The following CFAP61 variants were observed in gnomAD, a reference collection of about 807,000 sequenced individuals.
The protein encoded by CFAP61 is cilia and flagella associated protein 61, also known as cilia- and flagella-associated protein 61.
A neutral mutation model predicts 135.6 loss-of-function variants in CFAP61; 107 were observed. The ratio of observed to expected loss-of-function variants is 0.79; its 90% confidence interval spans 0.67 to 0.93. The LOEUF is 0.93. CFAP61 is among the 40% of genes least tolerant of loss of function. CFAP61 has a pLI of 0.00. For missense variants in CFAP61, 1,507 were observed against 1,556.2 expected, an observed-to-expected ratio of 0.97 and a Z score of 0.53; for synonymous variants, 575 against 578.5, an observed-to-expected ratio of 0.99 and a Z score of 0.09.
chr20:20,241,602 G>T (rs1037734578), intron 18 of CFAP61, among the ~76,000 whole-genome samples: 1 of 152,132 alleles, frequency 6.6e-6, no homozygotes. Context: ...TAATTCAAAT[G>T]ATTCAAAACC....
In CFAP61 at chr20:20,337,740, A is replaced by G. The variant is rs111615185; in HGVS notation, c.3423-4091A>G. ...CTTAGCAGACGTCCCACCATGGAAG[A>G]GGTCATGGAGCACAGGGGCTTTGGG... On this transcript the variant is annotated intron_variant, in intron 25 of 26. Coordinates refer to ENST00000245957, the MANE Select transcript of CFAP61 (RefSeq NM_015585.4). 1.7e-3 allele frequency among the ~76,000 whole-genome samples: 253 copies of G among 152,218 alleles called. 2 individuals are homozygous for G. The highest frequency in any genetic ancestry group is 5.9e-3 in the African/African-American group (245 of 41,510).
At chr20:20,136,371 A>G (rs781347568) in intron 8 of CFAP61, among the ~76,000 whole-genome samples, 1 of 151,828 alleles carries the variant, frequency 6.6e-6, no homozygotes, top group Non-Finnish European at 1.5e-5. Flanking sequence ...TAACTCTTAG[A>G]TTTTTCCCTT....
chr20:20,304,598 C>G (rs1484585629), intron 25 of CFAP61, among the ~76,000 whole-genome samples: 1 of 151,674 alleles, frequency 6.6e-6, no homozygotes, highest in Non-Finnish European at 1.5e-5. Flanking sequence ...CTCACACACA[C>G]CTGCACCCGC....
At chr20:20,078,708 AG>A (rs2046226651) in intron 6 of CFAP61, among the ~76,000 whole-genome samples, 1 of 152,194 alleles carries the variant, frequency 6.6e-6, no homozygotes, top group South Asian at 2.1e-4. Context: ...AATGAAAACT[AG>A]AAGAGAGGGA....
At chr20:20,341,990 T>C (rs2058459741) in intron 26 of CFAP61, 69 bp downstream of exon 26, 2 of 1,104,710 alleles carry the variant, frequency 1.8e-6, no homozygotes, top group Admixed American at 4.2e-5. Context: ...TGTTGATCAT[T>C]TAGACTTTTC....
intron 26 of CFAP61, among the ~76,000 whole-genome samples, chr20:20,353,694 A>G (rs2058935308): frequency 6.6e-6 from 1 of 152,204 alleles, no homozygotes; most frequent in Non-Finnish European, 1.5e-5. Flanking sequence ...GTTTCCAGGA[A>G]GCTACGAGGA....
chr20:20,231,931 G>A (rs557866073), intron 18 of CFAP61, among the ~76,000 whole-genome samples: 2 of 152,034 alleles, frequency 1.3e-5, no homozygotes, highest in Non-Finnish European at 2.9e-5. Flanking sequence ...GGTGGGTTGT[G>A]TTCATTTGGC....
rs1395398944 is a variant in CFAP61 at position 20,165,706 on chromosome 20, G to A, written c.1206-691G>A. Among the ~76,000 whole-genome samples, 6 of 152,230 alleles carry A rather than the reference G, an allele frequency of 3.9e-5. No individual in the cohort carries two copies. In the South Asian group the frequency reaches 8.3e-4, roughly 21 times the overall value. On this transcript the variant is annotated intron_variant, in intron 11 of 26. Transcript: ENST00000245957. ...AGGCTCTAGGGTGTCTTTTAGATGA[G>A]CAAGAATAGCTGGACAGTTCCTCTT...
chr20:20,338,258 A>G (rs6046803), intron 25 of CFAP61, among the ~76,000 whole-genome samples: 75,728 of 151,898 alleles, frequency 0.5, 19,152 homozygotes, highest in East Asian at 0.62. Flanking sequence ...GAAAAGACAC[A>G]TACAAGCAAG....
chr20:20,160,453 C>T (rs1447412627), intron 10 of CFAP61, among the ~76,000 whole-genome samples: 1 of 152,182 alleles, frequency 6.6e-6, no homozygotes, highest in African/African-American at 2.4e-5. Context: ...GATTGAAGTA[C>T]CCCTTTCTCA....
intron 17 of CFAP61, among the ~76,000 whole-genome samples, chr20:20,223,680 G>A (rs775056096): frequency 5.3e-5 from 8 of 152,098 alleles, no homozygotes; most frequent in African/African-American, 9.7e-5. Context: ...GCGGAAACAC[G>A]GAACTTGGGT....
At chr20:20,234,005 C>T (rs140359594) in intron 18 of CFAP61, among the ~76,000 whole-genome samples, 2 of 152,288 alleles carry the variant, frequency 1.3e-5, no homozygotes, top group African/African-American at 4.8e-5. Flanking sequence ...GTCGTACACC[C>T]GCCTCCTCAG....
intron 13 of CFAP61, among the ~76,000 whole-genome samples, chr20:20,174,902 G>A (rs992261392): frequency 2.6e-5 from 4 of 152,240 alleles, no homozygotes; most frequent in Admixed American, 6.5e-5. Context: ...GTTAGCCCGA[G>A]GTGGCAGTGC....
chr20:20,053,938 C>G lies in CFAP61; in HGVS notation c.-37+1347C>G, dbSNP rs188169947. Reference sequence around the variant, plus strand: ...ACAAACATGCTAGAATACTTTGCTTCTGATCACCATCCTTCTCTCTTACAT... The same window carrying G: ...ACAAACATGCTAGAATACTTTGCTTGTGATCACCATCCTTCTCTCTTACAT... On this transcript the variant is annotated intron_variant, in intron 1 of 26. Transcript: ENST00000245957. Among the ~76,000 whole-genome samples, 158 of 150,660 alleles carry G rather than the reference C, an allele frequency of 1.0e-3. 2 individuals carry two copies. The highest frequency in any genetic ancestry group is 0.01 in the Admixed American group (158 of 15,154).
At chr20:20,211,502 A>T (rs1395563021) in intron 17 of CFAP61, among the ~76,000 whole-genome samples, 2 of 152,232 alleles carry the variant, frequency 1.3e-5, no homozygotes, top group Non-Finnish European at 2.9e-5. Flanking sequence ...AAGATGACTT[A>T]AAAACAGGGG....
At position 20,360,219 on chromosome 20, in the gene CFAP61, C is replaced by T. The variant is rs145622039; in HGVS notation, c.3523C>T (p.Leu1175Phe). The change falls in exon 27 of 27, where the codon CTT (leucine) becomes TTT (phenylalanine). Residue 1175 changes from leucine (L) to phenylalanine (F), a missense_variant. Transcript: ENST00000245957. ...QILASKEEED[L>F]PSIEQLAHQI... ...TTACTGTGTTTTACAGGAGGAAGAT[C>T]TTCCTTCCATAGAGCAGTTAGCCCA... The T allele has an allele frequency of 9.3e-6, 15 of 1,611,634 alleles. No homozygotes were observed. The highest frequency in any genetic ancestry group is 1.3e-5 in the Non-Finnish European group (15 of 1,177,900).
intron 10 of CFAP61, among the ~76,000 whole-genome samples, chr20:20,161,064 A>G (rs1051257227): frequency 1.3e-5 from 2 of 151,986 alleles, no homozygotes; most frequent in African/African-American, 4.8e-5. Context: ...CCCCAAGTAA[A>G]CTACTGACTC....
intron 17 of CFAP61, among the ~76,000 whole-genome samples, chr20:20,205,101 T>C (rs973389406): frequency 1.3e-5 from 2 of 152,160 alleles, no homozygotes; most frequent in African/African-American, 4.8e-5. Flanking sequence ...GTCTATTATA[T>C]GAATAGTATA....
At chr20:20,091,374 A>T (rs2047186722) in intron 7 of CFAP61, among the ~76,000 whole-genome samples, 1 of 152,286 alleles carries the variant, frequency 6.6e-6, no homozygotes, top group South Asian at 2.1e-4. Context: ...TTGTTTTGAC[A>T]TAGTTTCACA....
Sources: allele counts gnomAD v4.1 joint callset (sites outside exome capture counted in the v4.1 genomes callset), GRCh38; gene constraint gnomAD v4.1.1; transcripts MANE v1.5; gene names NCBI Gene and HGNC (gene_info 2026-07-23, HGNC 2026-07-21).